The following PIBF1 variants were observed in gnomAD, a reference collection of about 807,000 sequenced individuals.
The protein encoded by PIBF1 is progesterone-induced-blocking factor 1.
A neutral mutation model predicts 112.5 loss-of-function variants in PIBF1; 90 were observed. That is an observed-to-expected ratio of 0.80 (90% confidence interval 0.67 to 0.95). The LOEUF (loss-of-function observed/expected upper bound fraction) is 0.95, where lower values mean the gene tolerates loss of function less well. Among genes scored for constraint, PIBF1 ranks in the 40% least tolerant of loss-of-function variants. The pLI is 0.00. For missense variants in PIBF1, 915 were observed against 852.3 expected, an observed-to-expected ratio of 1.07 and a Z score of -0.92; for synonymous variants, 301 against 288.6, an observed-to-expected ratio of 1.04 and a Z score of -0.44.
At chr13:73,008,834 G>A (rs1257351274) in intron 17 of PIBF1, among the ~76,000 whole-genome samples, 1 of 152,102 alleles carries the variant, frequency 6.6e-6, no homozygotes, top group Non-Finnish European at 1.5e-5. Context: ...CCTACTGCTG[G>A]CGAGACACTT....
At chr13:73,010,734 A>G (rs1566545711) in intron 17 of PIBF1, among the ~76,000 whole-genome samples, 1 of 149,796 alleles carries the variant, frequency 6.7e-6, no homozygotes, top group Non-Finnish European at 1.5e-5. Flanking sequence ...AGAATCATGC[A>G]ATTCCCTAGT....
At chr13:72,797,774 G>A in intron 4 of PIBF1, 133 bp from the exon 5 acceptor site, 5 of 615,328 alleles carry the variant, frequency 8.1e-6, no homozygotes, top group Non-Finnish European at 8.3e-6. Context: ...TAGTGGCTAG[G>A]GTCCATTAAT....
intron 10 of PIBF1, among the ~76,000 whole-genome samples, chr13:72,855,740 A>G (rs1221628679): frequency 6.6e-6 from 1 of 152,180 alleles, no homozygotes; most frequent in African/African-American, 2.4e-5. Flanking sequence ...TAGAGTTCCT[A>G]TAAAGCGTTT....
At chr13:72,829,551 CTTGT>C (rs2036997401) in intron 8 of PIBF1, among the ~76,000 whole-genome samples, 1 of 152,110 alleles carries the variant, frequency 6.6e-6, no homozygotes, top group African/African-American at 2.4e-5. Flanking sequence ...TTCCCCATTG[CTTGT>C]TTGTGTCAGG....
chr13:72,803,348 G>A (rs1013792330), intron 5 of PIBF1, among the ~76,000 whole-genome samples: 10 of 151,666 alleles, frequency 6.6e-5, no homozygotes, highest in Non-Finnish European at 1.3e-4. Flanking sequence ...TGTCGACAAC[G>A]GTAGAAGGAC....
chr13:72,834,324 C>T (rs1011149930), intron 8 of PIBF1, among the ~76,000 whole-genome samples: 2 of 152,086 alleles, frequency 1.3e-5, no homozygotes, highest in Non-Finnish European at 2.9e-5. Flanking sequence ...TGAATTATAT[C>T]GACATACCAA....
rs1566268142 is a variant in PIBF1 at position 72,787,829 on chromosome 13, T to A, written c.252+4108T>A. Among the ~76,000 whole-genome samples the A allele has an allele frequency of 3.3e-5, 5 of 152,032 alleles. No homozygotes were observed. In the South Asian group the frequency reaches 1.0e-3, roughly 32 times the overall value. Reference sequence around the variant, plus strand: ...CCGTGCCACAACGCCCAGCTAAGTTTTGTATTTTTGGTAGAGATGGGGGTT... The same window carrying A: ...CCGTGCCACAACGCCCAGCTAAGTTATGTATTTTTGGTAGAGATGGGGGTT... On this transcript the variant is annotated intron_variant, in intron 2 of 17. Transcript: ENST00000326291.
intron 8 of PIBF1, among the ~76,000 whole-genome samples, chr13:72,833,264 T>A (rs564699812): frequency 6.6e-6 from 1 of 152,324 alleles, no homozygotes; most frequent in South Asian, 2.1e-4. Flanking sequence ...TGAAGCCTAC[T>A]TCTGTCAATT....
intron 10 of PIBF1, chr13:72,884,763 C>CTGAG (rs1280424929): frequency 6.6e-6 from 1 of 152,084 alleles, no homozygotes; most frequent in African/African-American, 2.4e-5. Context: ...TATGTGTTTA[C>CTGAG]TGAGTGCCTA....
chr13:72,992,844 G>T (rs1454827894), intron 16 of PIBF1, among the ~76,000 whole-genome samples: 2 of 151,726 alleles, frequency 1.3e-5, no homozygotes, highest in African/African-American at 4.8e-5. Context: ...AAGAAAACAT[G>T]TGAGCTGGTC....
At chr13:72,885,721 A>T (rs2039823700) in intron 10 of PIBF1, among the ~76,000 whole-genome samples, 1 of 152,196 alleles carries the variant, frequency 6.6e-6, no homozygotes, top group Non-Finnish European at 1.5e-5. Flanking sequence ...ATTTTGATTC[A>T]GAAAGTCTCA....
At chr13:72,927,962 C>G (rs5028593) in intron 13 of PIBF1, among the ~76,000 whole-genome samples, 1 of 101,362 alleles carries the variant, frequency 9.9e-6, no homozygotes, top group African/African-American at 4.7e-5. Flanking sequence ...TATATATACA[C>G]ATATATATAT....
At position 72,965,257 on chromosome 13, in the gene PIBF1, A is replaced by C. The variant is rs748760223; in HGVS notation, c.1834-17A>C. On this transcript the variant is annotated splice_polypyrimidine_tract_variant and intron_variant, in intron 14 of 17. Coordinates refer to ENST00000326291, the MANE Select transcript of PIBF1 (RefSeq NM_006346.4). ...TGTCACATTTTCTAGATTTTAATGA[A>C]ACCTGTGTTTCTTTAGCTTGACAGA... 6.2e-6 allele frequency: 10 copies of C among 1,603,640 alleles called. No homozygotes were observed. The highest frequency in any genetic ancestry group is 1.7e-5 in the Admixed American group (1 of 58,418).
intron 14 of PIBF1, among the ~76,000 whole-genome samples, chr13:72,964,538 T>C (rs1352108146): frequency 6.6e-6 from 1 of 152,200 alleles, no homozygotes; most frequent in Non-Finnish European, 1.5e-5. Flanking sequence ...ATGATTTGGA[T>C]ATATAAATTA....
chr13:72,959,777 G>T (rs1389680362), intron 14 of PIBF1, among the ~76,000 whole-genome samples: 1 of 152,160 alleles, frequency 6.6e-6, no homozygotes, highest in Non-Finnish European at 1.5e-5. Context: ...CATATGTACA[G>T]GTTATTGAAA....
chr13:72,789,724 G>T (rs181091954), intron 2 of PIBF1, among the ~76,000 whole-genome samples: 80 of 151,250 alleles, frequency 5.3e-4, no homozygotes, highest in Non-Finnish European at 3.7e-4. Flanking sequence ...TCAGATTTTT[G>T]ATTTTTTTTT....
At chr13:72,982,197 G>A (rs561894308) in intron 16 of PIBF1, among the ~76,000 whole-genome samples, 1 of 152,228 alleles carries the variant, frequency 6.6e-6, no homozygotes, top group East Asian at 1.9e-4. Context: ...CAGCACTTAG[G>A]AAGGCCAAGG....
intron 10 of PIBF1, among the ~76,000 whole-genome samples, chr13:72,858,655 T>C (rs1268032023): frequency 6.6e-6 from 1 of 152,222 alleles, no homozygotes; most frequent in Non-Finnish European, 1.5e-5. Flanking sequence ...CTCATAAATA[T>C]GTACCCTCTT....
intron 10 of PIBF1, among the ~76,000 whole-genome samples, chr13:72,863,795 T>C (rs2038808840): frequency 6.6e-6 from 1 of 152,178 alleles, no homozygotes; most frequent in Non-Finnish European, 1.5e-5. Flanking sequence ...CCCTCTGTAA[T>C]GACACTATGT....
Sources: gnomAD v4.1 joint callset for allele counts (sites outside exome capture counted in the v4.1 genomes callset) on GRCh38, gnomAD v4.1.1 for gene constraint, MANE v1.5 for transcripts, NCBI Gene and HGNC (gene_info 2026-07-23, HGNC 2026-07-21) for gene names.